PRDM15: variants seen among roughly 807,000 people sequenced by gnomAD.
The protein encoded by PRDM15 is PR/SET domain 15.
In PRDM15, 64 loss-of-function variants were observed where a neutral mutation model predicts 128.6. That is an observed-to-expected ratio of 0.50 (90% CI 0.41 to 0.61). The LOEUF is 0.61. PRDM15 is among the 20% of genes least tolerant of loss of function. The pLI is 0.00. For missense variants in PRDM15, 1,242 were observed against 1,569.1 expected, an observed-to-expected ratio of 0.79 and a Z score of 3.52; for synonymous variants, 615 against 621.8, an observed-to-expected ratio of 0.99 and a Z score of 0.16.
At chr21:41,808,754 T>C (rs2061761272) in intron 21 of PRDM15, among the ~76,000 whole-genome samples, 3 of 152,246 alleles carry the variant, frequency 2.0e-5, no homozygotes, top group Admixed American at 2.0e-4. Context: ...TATACTGCTC[T>C]TTCACGTACG....
At chr21:41,846,616 G>A (rs1020010499) in intron 6 of PRDM15, among the ~76,000 whole-genome samples, 5 of 152,226 alleles carry the variant, frequency 3.3e-5, no homozygotes, top group African/African-American at 1.2e-4. Context: ...AGGATCGCTT[G>A]AGCCTGTCAG....
intron 10 of PRDM15, among the ~76,000 whole-genome samples, chr21:41,835,901 C>A (rs1032894181): frequency 2.6e-5 from 4 of 151,074 alleles, no homozygotes; most frequent in Non-Finnish European, 5.9e-5. Flanking sequence ...TGGGCACCCA[C>A]AGCCCTCGCC....
chr21:41,829,195 A>G (rs1194785070), intron 11 of PRDM15, among the ~76,000 whole-genome samples: 1 of 146,970 alleles, frequency 6.8e-6, no homozygotes, highest in Non-Finnish European at 1.5e-5. Context: ...CACACCACAC[A>G]CACATACACA....
intron 17 of PRDM15, 35 bp from the exon 18 acceptor site, chr21:41,819,736 CA>C (rs2062183140): frequency 1.3e-6 from 2 of 1,572,190 alleles, no homozygotes; most frequent in Non-Finnish European, 8.6e-7. Flanking sequence ...CAGAGCCGAG[CA>C]GCTCCGACCT....
chr21:41,860,804 G>C (rs57742874), intron 1 of PRDM15, among the ~76,000 whole-genome samples: 1 of 151,946 alleles, frequency 6.6e-6, no homozygotes, highest in African/African-American at 2.4e-5. Context: ...GTTCTAAAGA[G>C]AGCACACAGT....
At position 41,859,213 on chromosome 21, in the gene PRDM15, G is replaced by A. The variant is rs777075395; in HGVS notation, c.131+379C>T. 21 of 1,613,730 alleles carry A rather than the reference G, an allele frequency of 1.3e-5. No homozygotes were observed. The highest frequency in any genetic ancestry group is 3.3e-4 in the Middle Eastern group (2 of 6,054). Reference sequence around the variant, plus strand: ...GCCCCGCCTGGGTGTGCACGTGTCCGCTGGCAGGCCAAGACCTGGAATGCA... The same window carrying A: ...GCCCCGCCTGGGTGTGCACGTGTCCACTGGCAGGCCAAGACCTGGAATGCA... On this transcript the variant is annotated intron_variant, in intron 3 of 23. Transcript: ENST00000398548. This position sits in a 1 kb window ranked among gnomAD's most constrained non-coding sequence, Gnocchi z 5.3.
At chr21:41,807,598 G>GA (rs1213893068) in intron 21 of PRDM15, among the ~76,000 whole-genome samples, 4 of 52,816 alleles carry the variant, frequency 7.6e-5, no homozygotes, top group African/African-American at 1.1e-4. Flanking sequence ...TAATCACTTT[G>GA]CCTCTGTCTA....
At position 41,879,142 on chromosome 21, in the gene PRDM15, T is replaced by A; in HGVS notation, c.-10+128A>T. ...CGGCTGGACCGGGGCGGCGCGCGGC[T>A]GCCGGGCGCGGGGGGCGGGGGGCAG... On this transcript the variant is annotated intron_variant, in intron 1 of 23. Coordinates refer to ENST00000398548, the MANE Select transcript of PRDM15 (RefSeq NM_001040424.3). This position sits in a 1 kb window ranked among gnomAD's most constrained non-coding sequence, Gnocchi z 5.1. 2 of 952,674 alleles carry A rather than the reference T, an allele frequency of 2.1e-6. No homozygotes were observed. Among genetic ancestry groups the A allele is most frequent in the Non-Finnish European group, 2.5e-6 (2 of 796,118 alleles). The allele number at this position is 952,674 out of a possible 1,614,324, so 59.0% of individuals were successfully genotyped here.
At chr21:41,835,134 T>C (rs1009597775) in intron 11 of PRDM15, among the ~76,000 whole-genome samples, 3 of 152,154 alleles carry the variant, frequency 2.0e-5, no homozygotes, top group African/African-American at 7.2e-5. Context: ...CATTGGACAC[T>C]GCTGCTCCCT....
At chr21:41,873,085 A>G (rs1184037492) in intron 1 of PRDM15, among the ~76,000 whole-genome samples, 1 of 152,110 alleles carries the variant, frequency 6.6e-6, no homozygotes, top group Non-Finnish European at 1.5e-5. Context: ...TGTGTTTCCT[A>G]GCACCTCTCC....
intron 21 of PRDM15, among the ~76,000 whole-genome samples, chr21:41,806,534 T>C (rs138668876): frequency 4.4e-5 from 2 of 45,936 alleles, no homozygotes; most frequent in Non-Finnish European, 4.0e-5. Flanking sequence ...ACCACCACCA[T>C]CACTACCACC....
chr21:41,836,672 T>C (rs749415035), intron 8 of PRDM15, 23 bp from the exon 9 acceptor site: 3 of 1,572,820 alleles, frequency 1.9e-6, no homozygotes, highest in East Asian at 4.6e-5. Context: ...GTCAATAAGT[T>C]GGGAAAAGAC....
chr21:41,806,021 C>CCAT (rs2061565548), intron 21 of PRDM15, among the ~76,000 whole-genome samples: 5 of 26,132 alleles, frequency 1.9e-4, no homozygotes, highest in East Asian at 1.3e-3. Context: ...ACCACCATCA[C>CCAT]CACCACCACC....
chr21:41,839,374 G>A (rs3746897), intron 7 of PRDM15, among the ~76,000 whole-genome samples: 86,544 of 152,138 alleles, frequency 0.57, 24,797 homozygotes, highest in Admixed American at 0.64. Flanking sequence ...GGGGGTGCTG[G>A]TTTCACAGCT....
chr21:41,801,854 T>A, intron 23 of PRDM15, 132 bp from the exon 24 acceptor site: 1 of 1,069,574 alleles, frequency 9.3e-7, no homozygotes, highest in Non-Finnish European at 1.3e-6. Context: ...GAAACCGAGT[T>A]AATTTTGTTC....
chr21:41,879,164 G>A lies in PRDM15; in HGVS notation c.-10+106C>T, dbSNP rs1332121668. 7 of 894,168 alleles carry A rather than the reference G, an allele frequency of 7.8e-6. No individual in the cohort carries two copies. Among genetic ancestry groups the A allele is most frequent in the Non-Finnish European group, 6.7e-6 (5 of 743,808 alleles). The allele number at this position is 894,168 out of a possible 1,614,324, so 55.4% of individuals were successfully genotyped here. A position where few individuals can be genotyped will look rare whatever the true frequency, so the allele number is the denominator to read the frequency against. ...GGCTGCCGGGCGCGGGGGGCGGGGG[G>A]CAGCGGGCCCAGGGCGCGCCGGGGC... On this transcript the variant is annotated intron_variant, in intron 1 of 23. Coordinates refer to ENST00000398548, the MANE Select transcript of PRDM15 (RefSeq NM_001040424.3). This position sits in a 1 kb window ranked among gnomAD's most constrained non-coding sequence, Gnocchi z 5.1.
chr21:41,877,914 G>C (rs1350827625), intron 1 of PRDM15, among the ~76,000 whole-genome samples: 1 of 152,230 alleles, frequency 6.6e-6, no homozygotes, highest in African/African-American at 2.4e-5. Flanking sequence ...CTAAATTATA[G>C]AGCTACTATT....
At chr21:41,829,447 C>T (rs2062605132) in intron 11 of PRDM15, among the ~76,000 whole-genome samples, 1 of 151,752 alleles carries the variant, frequency 6.6e-6, no homozygotes, top group East Asian at 1.9e-4. Context: ...CACAAATACT[C>T]AACACACCAC....
At chr21:41,815,877 G>A (rs771999823) in intron 18 of PRDM15, 41 bp from the exon 19 acceptor site, 6 of 1,605,840 alleles carry the variant, frequency 3.7e-6, no homozygotes, top group South Asian at 1.1e-5. Context: ...ACACCCCCAC[G>A]CAGCCCACCT....
Sources: allele counts gnomAD v4.1 joint callset (sites outside exome capture counted in the v4.1 genomes callset), GRCh38; gene constraint gnomAD v4.1.1; non-coding constraint Gnocchi (gnomAD v3.1); transcripts MANE v1.5; gene names NCBI Gene and HGNC (gene_info 2026-07-23, HGNC 2026-07-21).